Variants in FCRL2 observed in about 807,000 individuals in gnomAD.
FCRL2 encodes the protein Fc receptor-like protein 2.
FCRL2 carries 48 observed loss-of-function variants against 59.8 expected under a neutral mutation model. The ratio of observed to expected loss-of-function variants is 0.80; its 90% CI spans 0.64 to 1.02. The LOEUF (loss-of-function observed/expected upper bound fraction) is 1.02, where lower values mean the gene tolerates loss of function less well. Among genes scored for constraint, FCRL2 ranks in the 50% least tolerant of loss-of-function variants. The pLI is 0.00. For synonymous variants in FCRL2, 251 were observed against 229.5 expected, an observed-to-expected ratio of 1.09 and a Z score of -0.85; for missense variants, 658 against 597.3, an observed-to-expected ratio of 1.10 and a Z score of -1.06.
rs538595926 is a variant in FCRL2, at chr1:157,767,750, T to C, written c.884-241A>G. 1.6e-4 allele frequency: 229 copies of C among 1,463,086 alleles called. No homozygotes were observed. In the African/African-American group the frequency reaches 2.6e-3, roughly 16 times the overall value. The allele number at this position is 1,463,086 out of a possible 1,614,324, so 90.6% of individuals were successfully genotyped here. ...CATCTGTTGTTCTCATCTGATTGTTTTCCTGTGCCCATCCAGCCCTCTTCA... is the reference window on the plus strand; with the variant it reads ...CATCTGTTGTTCTCATCTGATTGTTCTCCTGTGCCCATCCAGCCCTCTTCA... On this transcript the variant is annotated intron_variant, in intron 5 of 11. Coordinates refer to ENST00000361516, the MANE Select transcript of FCRL2 (RefSeq NM_030764.4).
Position 157,748,908 on chromosome 1 carries a change from CTG to C in FCRL2, c.1358_1359del (p.Pro453ArgfsTer81), listed in dbSNP as rs1557851909. The C allele has an allele frequency of 6.2e-7, 1 of 1,613,946 alleles. No individual in the cohort carries two copies. The highest frequency in any genetic ancestry group is 8.5e-7 in the Non-Finnish European group (1 of 1,179,938). ...PQEFTYSSPT[P>X]DMEELQPVYV... ...TACACTGGCTGCAGCTCCTCCATGT[CTG>C]GGGTTGGGCTTGAATAGGTGAACTC... is the stretch of plus-strand genomic sequence containing the variant. On this transcript the variant is annotated frameshift_variant, in exon 9 of 12. Coordinates refer to ENST00000361516, the MANE Select transcript of FCRL2 (RefSeq NM_030764.4). LOFTEE classifies it high-confidence loss of function.
At chr1:157,766,558 G>A (rs1373031204) in intron 7 of FCRL2, 2 of 438,230 alleles carry the variant, frequency 4.6e-6, no homozygotes, top group Non-Finnish European at 7.9e-6. Context: ...TATATCTATT[G>A]AAAATTACTA....
At chr1:157,773,066 G>A (rs1279510528) in intron 2 of FCRL2, among the ~76,000 whole-genome samples, 2 of 152,160 alleles carry the variant, frequency 1.3e-5, no homozygotes, top group Non-Finnish European at 2.9e-5. Flanking sequence ...CCTTCTGCCC[G>A]AGAAGTAGAA....
intron 7 of FCRL2, among the ~76,000 whole-genome samples, chr1:157,761,058 A>AC (rs1375243713): frequency 4.6e-5 from 7 of 152,394 alleles, no homozygotes; most frequent in African/African-American, 1.7e-4. Flanking sequence ...AGATAAGTGT[A>AC]AGAAAGCGTT....
chr1:157,755,021 G>A (rs1648481785), intron 7 of FCRL2, among the ~76,000 whole-genome samples: 1 of 151,758 alleles, frequency 6.6e-6, no homozygotes, highest in African/African-American at 2.4e-5. Context: ...ATCTAAGAAT[G>A]GGGAAGACCT....
At chr1:157,773,989 CAAAT>C (rs1276574365) in intron 2 of FCRL2, among the ~76,000 whole-genome samples, 5 of 152,148 alleles carry the variant, frequency 3.3e-5, no homozygotes, top group Admixed American at 6.5e-5. Context: ...TTAGGCAGAG[CAAAT>C]AAATAGGAGC....
intron 1 of FCRL2, 138 bp from the exon 2 acceptor site, chr1:157,775,933 T>C: frequency 4.3e-6 from 4 of 933,376 alleles, no homozygotes; most frequent in Non-Finnish European, 6.3e-6. Flanking sequence ...CTCTTATTAC[T>C]AACAATTCAA....
intron 2 of FCRL2, among the ~76,000 whole-genome samples, chr1:157,773,130 A>G (rs1254021576): frequency 6.6e-6 from 1 of 152,242 alleles, no homozygotes; most frequent in Non-Finnish European, 1.5e-5. Context: ...ATGTTTTGGA[A>G]TTAAAAAGTC....
At chr1:157,758,092 A>T (rs1648740201) in intron 7 of FCRL2, among the ~76,000 whole-genome samples, 1 of 152,224 alleles carries the variant, frequency 6.6e-6, no homozygotes, top group South Asian at 2.1e-4. Context: ...GTCTTTTGTA[A>T]GTATAAAAGA....
intron 7 of FCRL2, among the ~76,000 whole-genome samples, chr1:157,764,719 C>T (rs549452809): frequency 6.6e-5 from 10 of 152,264 alleles, no homozygotes; most frequent in Admixed American, 1.3e-4. Flanking sequence ...TGCTGCTAAA[C>T]AACCATTGGG....
chr1:157,760,671 G>A (rs1297002137), intron 7 of FCRL2, among the ~76,000 whole-genome samples: 2 of 133,888 alleles, frequency 1.5e-5, no homozygotes, highest in Admixed American at 7.6e-5. Context: ...AGGAAGGAAG[G>A]AAGGAAGGAA....
chr1:157,753,999 AGAAATAAT>A (rs1211772032), intron 7 of FCRL2, among the ~76,000 whole-genome samples: 39 of 152,218 alleles, frequency 2.6e-4, no homozygotes, highest in Admixed American at 2.0e-4. Flanking sequence ...TAAATCACAT[AGAAATAAT>A]GAAATAGCTA....
intron 2 of FCRL2, among the ~76,000 whole-genome samples, chr1:157,772,531 C>T (rs936293719): frequency 6.6e-6 from 1 of 152,122 alleles, no homozygotes; most frequent in African/African-American, 2.4e-5. Flanking sequence ...GCTCGGAGGC[C>T]TGGAAGTGAA....
intron 7 of FCRL2, among the ~76,000 whole-genome samples, chr1:157,764,725 T>G (rs1455892457): frequency 3.3e-5 from 5 of 152,074 alleles, no homozygotes; most frequent in African/African-American, 1.2e-4. Context: ...TAAACAACCA[T>G]TGGGTCAATG....
intron 5 of FCRL2, 195 bp from the exon 6 acceptor site, chr1:157,767,704 G>T (rs1372442662): frequency 5.1e-6 from 8 of 1,557,182 alleles, no homozygotes; most frequent in Non-Finnish European, 6.1e-6. Flanking sequence ...ATCAGTTCTG[G>T]GTGCTGCCTG....
chr1:157,766,308 A>G (rs112537702), intron 7 of FCRL2, among the ~76,000 whole-genome samples: 24,026 of 152,030 alleles, frequency 0.16, 1,946 homozygotes, highest in East Asian at 0.23. Context: ...TGTCTCTACT[A>G]AAAATACAAA....
In FCRL2 at chr1:157,748,544, G is replaced by A; in HGVS notation, c.1459+9C>T. 1 of 1,612,506 alleles carries A rather than the reference G, an allele frequency of 6.2e-7. No homozygotes were observed. Among genetic ancestry groups the A allele is most frequent in the Non-Finnish European group, 8.5e-7 (1 of 1,178,710 alleles). ...TGCATCTGACAAGAACTACTTTGCAGTTTCTCACCTGAGCTTTCTGGCTGC... is the reference window on the plus strand; with the variant it reads ...TGCATCTGACAAGAACTACTTTGCAATTTCTCACCTGAGCTTTCTGGCTGC... On this transcript the variant is annotated intron_variant, in intron 10 of 11. Coordinates refer to ENST00000361516, the MANE Select transcript of FCRL2 (RefSeq NM_030764.4).
In FCRL2 at chr1:157,772,738, A is replaced by G. The variant is rs182594711; in HGVS notation, c.53-2072T>C. Among the ~76,000 whole-genome samples, 419 of 152,296 alleles carry G rather than the reference A, an allele frequency of 2.8e-3. 1 individual carries two copies. The highest frequency in any genetic ancestry group is 9.0e-3 in the African/African-American group (373 of 41,558). ...TAACCAAGTATCCCATTTTTCTAAG[A>G]AAAAAAGAGGAAGTATTTTTACCTT... is the stretch of plus-strand genomic sequence containing the variant. On this transcript the variant is annotated intron_variant, in intron 2 of 11. Coordinates refer to ENST00000361516, the MANE Select transcript of FCRL2 (RefSeq NM_030764.4).
At chr1:157,774,253 G>A (rs1201574595) in intron 2 of FCRL2, among the ~76,000 whole-genome samples, 1 of 152,174 alleles carries the variant, frequency 6.6e-6, no homozygotes, top group Non-Finnish European at 1.5e-5. Context: ...CTGCTGAATA[G>A]CATTTTCAAA....
Sources: gnomAD v4.1 joint callset for allele counts (sites outside exome capture counted in the v4.1 genomes callset) on GRCh38, gnomAD v4.1.1 for gene constraint, MANE v1.5 for transcripts, NCBI Gene and HGNC (gene_info 2026-07-23, HGNC 2026-07-21) for gene names.